ANKMY2: variants seen among roughly 807,000 people sequenced by gnomAD.
The protein encoded by ANKMY2 is ankyrin repeat and MYND domain-containing protein 2.
In ANKMY2, 36 loss-of-function variants were observed where a neutral mutation model predicts 50.4. The ratio of observed to expected loss-of-function variants is 0.71; its 90% confidence interval spans 0.55 to 0.94. ANKMY2 has a LOEUF of 0.94. Ranked by LOEUF, ANKMY2 falls within the 40% of genes least tolerant of loss-of-function variation. ANKMY2 has a pLI of 0.00. For missense variants in ANKMY2, 565 were observed against 524.0 expected (o/e 1.08, Z -0.76); for synonymous variants, 187 against 178.8 (o/e 1.05, Z -0.36).
chr7:16,607,521 T>C (rs951893506), intron 7 of ANKMY2, among the ~76,000 whole-genome samples: 2 of 152,014 alleles, frequency 1.3e-5, no homozygotes, highest in Non-Finnish European at 2.9e-5. Flanking sequence ...TGAGCTGAGA[T>C]TGCGCCACTG....
At chr7:16,633,475 A>G (rs1054665594) in intron 2 of ANKMY2, among the ~76,000 whole-genome samples, 4 of 152,066 alleles carry the variant, frequency 2.6e-5, no homozygotes, top group African/African-American at 4.8e-5. Flanking sequence ...GCTTTTGATA[A>G]ATGTTGTATT....
intron 1 of ANKMY2, among the ~76,000 whole-genome samples, chr7:16,641,241 G>GAC (rs35547819): frequency 0.35 from 53,197 of 150,256 alleles, 9,688 homozygotes; most frequent in Non-Finnish European, 0.4. Context: ...CTCACACACA[G>GAC]ACACACACAC....
intron 2 of ANKMY2, among the ~76,000 whole-genome samples, chr7:16,631,707 A>G (rs1353267165): frequency 1.3e-5 from 2 of 151,108 alleles, no homozygotes; most frequent in Non-Finnish European, 2.9e-5. Context: ...TTCCGCCTCC[A>G]GGGTTCAAGC....
chr7:16,600,982 A>G lies in ANKMY2; in HGVS notation c.1142-37T>C, dbSNP rs1781051723. 2.6e-6 allele frequency: 4 copies of G among 1,522,630 alleles called. No individual in the cohort carries two copies. In the East Asian group the frequency reaches 9.1e-5, roughly 35 times the overall value. 94.3% of individuals were successfully genotyped at this position (1,522,630 alleles called of 1,614,324 possible). On this transcript the variant is annotated intron_variant, in intron 9 of 9. Transcript: ENST00000306999. ...AAGAAGAAGTTATTTTGTTCCTACC[A>G]TGTGTCAGACACTCTTCTCAATGCT...
chr7:16,630,664 T>C (rs1459337053), intron 2 of ANKMY2, among the ~76,000 whole-genome samples: 1 of 152,194 alleles, frequency 6.6e-6, no homozygotes, highest in Non-Finnish European at 1.5e-5. Flanking sequence ...ATGCCTCCCA[T>C]AGTCTAAGTC....
chr7:16,633,330 A>C (rs569393601), intron 2 of ANKMY2, among the ~76,000 whole-genome samples: 1 of 151,534 alleles, frequency 6.6e-6, no homozygotes, highest in Non-Finnish European at 1.5e-5. Flanking sequence ...GTTTTTTCTA[A>C]ATCATTTCTT....
chr7:16,641,199 A>G (rs58274727), intron 1 of ANKMY2, among the ~76,000 whole-genome samples: 5,379 of 152,058 alleles, frequency 0.035, 330 homozygotes, highest in African/African-American at 0.12. Context: ...GCACCATTGC[A>G]TTCCAGCCTG....
rs1282509714 is a variant in ANKMY2, at chr7:16,645,660, T to C, written c.-87A>G. 2.1e-6 allele frequency: 3 copies of C among 1,401,824 alleles called. No homozygotes were observed. The highest frequency in any genetic ancestry group is 2.9e-6 in the Non-Finnish European group (3 of 1,027,804). 86.8% of individuals were successfully genotyped at this position (1,401,824 alleles called of 1,614,324 possible). ...TCTGTATTGGGAACGCCAGCCGCAA[T>C]GAGGCAACTTGAGACCAAGACACTG... On this transcript the variant is annotated 5_prime_UTR_variant, in exon 1 of 10. Coordinates refer to ENST00000306999, the MANE Select transcript of ANKMY2 (RefSeq NM_020319.3).
Position 16,643,141 on chromosome 7 carries a change from C to T in ANKMY2, c.67+2366G>A, listed in dbSNP as rs572742779. On this transcript the variant is annotated intron_variant, in intron 1 of 9. Coordinates refer to ENST00000306999, the MANE Select transcript of ANKMY2 (RefSeq NM_020319.3). ...TTGTGAGGTGGGTATTATTATTATT[C>T]CTATTTTTCACACAGAGGACTTGAG... Among the ~76,000 whole-genome samples, 10 of 152,268 alleles carry T rather than the reference C, an allele frequency of 6.6e-5. No homozygotes were observed. The South Asian group carries it at 1.9e-3, about 28-fold the overall frequency.
At chr7:16,617,879 A>T (rs1583674520) in intron 4 of ANKMY2, among the ~76,000 whole-genome samples, 1 of 142,744 alleles carries the variant, frequency 7.0e-6, no homozygotes, top group Non-Finnish European at 1.5e-5. Flanking sequence ...AGGCAGGAGG[A>T]TTGCTTGGGG....
intron 3 of ANKMY2, among the ~76,000 whole-genome samples, chr7:16,625,560 A>G (rs1371798894): frequency 1.3e-5 from 2 of 152,152 alleles, no homozygotes; most frequent in Non-Finnish European, 2.9e-5. Flanking sequence ...TTCTATTCAC[A>G]TTCTTCTACT....
chr7:16,636,479 A>C, intron 1 of ANKMY2, 24 bp from the exon 2 acceptor site: 1 of 1,542,712 alleles, frequency 6.5e-7, no homozygotes, highest in Non-Finnish European at 8.8e-7. Context: ...AAAGATGAAA[A>C]GTAAGGTTAT....
chr7:16,624,765 G>C (rs1781487098), intron 4 of ANKMY2, among the ~76,000 whole-genome samples: 1 of 152,012 alleles, frequency 6.6e-6, no homozygotes, highest in African/African-American at 2.4e-5. Flanking sequence ...AATTACAATG[G>C]CCCCACTACT....
rs942266712 is a variant in ANKMY2 at position 16,631,924 on chromosome 7, T to A, written c.132+4467A>T. On this transcript the variant is annotated intron_variant, in intron 2 of 9. Transcript: ENST00000306999. ...GGCACTGTGCCCGGCCCAGTTTTTC[T>A]ACTTCTATATGAGATGAATATATTC... is the stretch of plus-strand genomic sequence containing the variant. 2.0e-5 allele frequency among the ~76,000 whole-genome samples: 3 copies of A among 152,144 alleles called. No individual in the cohort carries two copies. In the East Asian group the frequency reaches 5.8e-4, roughly 29 times the overall value.
At chr7:16,627,268 A>C in intron 2 of ANKMY2, 90 bp from the exon 3 acceptor site, 1 of 730,740 alleles carries the variant, frequency 1.4e-6, no homozygotes, top group Non-Finnish European at 2.1e-6. Flanking sequence ...ACATAAAACG[A>C]ATATGAACTA....
chr7:16,627,103 C>T lies in ANKMY2; in HGVS notation c.208G>A (p.Ala70Thr), dbSNP rs764875555. 3 of 1,612,734 alleles carry T rather than the reference C, an allele frequency of 1.9e-6. No homozygotes were observed. Among genetic ancestry groups the T allele is most frequent in the South Asian group, 2.2e-5 (2 of 90,918 alleles). Residue 70 changes from alanine (A) to threonine (T), a missense_variant, in exon 3 of 10, where the codon GCC (alanine) becomes ACC (threonine). Transcript: ENST00000306999. Reference sequence around the variant, plus strand: ...TCATGCTGATGACAATTTACATCGGCTCCATGTCGCAGTAGTAATTTGCAC... The same window carrying T: ...TCATGCTGATGACAATTTACATCGGTTCCATGTCGCAGTAGTAATTTGCAC... ...DMCKLLLRHG[A>T]DVNCHQHEHG...
chr7:16,645,443 C>A lies in ANKMY2; in HGVS notation c.67+64G>T, dbSNP rs904975649. The stretch of plus-strand genomic sequence containing the variant: ...AAGGTCACCCAGGCCAGGAGCGCCC[C>A]CCGGGCTCCGCCACGCCCCCCGGCC... On this transcript the variant is annotated intron_variant, in intron 1 of 9. Transcript: ENST00000306999. 9 of 1,512,450 alleles carry A rather than the reference C, an allele frequency of 6.0e-6. No individual in the cohort carries two copies. The East Asian group carries it at 1.7e-4, about 28-fold the overall frequency. The allele number at this position is 1,512,450 out of a possible 1,614,324, so 93.7% of individuals were successfully genotyped here.
intron 3 of ANKMY2, 131 bp downstream of exon 3, chr7:16,626,909 T>C (rs1391033965): frequency 1.1e-5 from 8 of 696,886 alleles, no homozygotes; most frequent in Non-Finnish European, 8.3e-6. Flanking sequence ...CAAAAACCAA[T>C]TGCCATCATT....
rs1163038296 is a variant in ANKMY2, at chr7:16,625,001, G to C, written c.352C>G (p.Gln118Glu). The change falls in exon 4 of 10, where the codon CAG (glutamine) becomes GAG (glutamate). Residue 118 changes from glutamine (Q) to glutamate (E), a missense_variant. Physicochemically the swap from Gln to Glu is conservative, Grantham distance 29. Coordinates refer to ENST00000306999, the MANE Select transcript of ANKMY2 (RefSeq NM_020319.3). Reference protein sequence around the residue: ...VVNSVGRTAAQMAAFVGQHDC... With the variant: ...VVNSVGRTAAEMAAFVGQHDC... Reference sequence around the variant, plus strand: ...ATCTCACCCACAAAGGCTGCCATCTGAGCTGCTGTTCTTCCCACAGAGTTG... The same window carrying C: ...ATCTCACCCACAAAGGCTGCCATCTCAGCTGCTGTTCTTCCCACAGAGTTG... 2 of 1,613,784 alleles carry C rather than the reference G, an allele frequency of 1.2e-6. No individual in the cohort carries two copies. The highest frequency in any genetic ancestry group is 1.7e-6 in the Non-Finnish European group (2 of 1,179,824).
Sources: allele counts gnomAD v4.1 joint callset (sites outside exome capture counted in the v4.1 genomes callset), GRCh38; gene constraint gnomAD v4.1.1; transcripts MANE v1.5; gene names NCBI Gene and HGNC (gene_info 2026-07-23, HGNC 2026-07-21).